The following LHX4 variants were observed in gnomAD, a reference collection of about 807,000 sequenced individuals.
LHX4 encodes LIM homeobox 4.
In LHX4, 16 loss-of-function variants were observed where a neutral mutation model predicts 39.2. The observed-to-expected ratio is 0.41, with a 90% CI of 0.28 to 0.62. The LOEUF (loss-of-function observed/expected upper bound fraction) is 0.62. Ranked by LOEUF, LHX4 falls within the 20% of genes least tolerant of loss-of-function variation. LHX4 has a pLI of 0.33. For missense variants in LHX4, 439 were observed against 511.9 expected (o/e 0.86, Z 1.37); for synonymous variants, 206 against 198.1 (o/e 1.04, Z -0.33).
Position 180,278,683 on chromosome 1 carries a change from C to T in LHX4, c.*4104C>T, listed in dbSNP as rs1383881890. 1 of 151,932 alleles carries T rather than the reference C, an allele frequency of 6.6e-6. No homozygotes were observed. Among genetic ancestry groups the T allele is most frequent in the Non-Finnish European group, 1.5e-5 (1 of 68,026 alleles). The allele number at this position is 151,932 out of a possible 1,614,324, so 9.4% of individuals were successfully genotyped here. A position where few individuals can be genotyped will look rare whatever the true frequency, so the allele number is the denominator to read the frequency against. ...TTCGGCCAAACAAGCAGGTTCAGGGCTGCGGGATTCCAGAAGTTGCTCTGA... is the reference window on the plus strand; with the variant it reads ...TTCGGCCAAACAAGCAGGTTCAGGGTTGCGGGATTCCAGAAGTTGCTCTGA... On this transcript the variant is annotated 3_prime_UTR_variant, in exon 6 of 6. Coordinates refer to ENST00000263726, the MANE Select transcript of LHX4 (RefSeq NM_033343.4).
At chr1:180,245,529 G>C (rs966464751) in intron 1 of LHX4, among the ~76,000 whole-genome samples, 1 of 152,250 alleles carries the variant, frequency 6.6e-6, no homozygotes. Context: ...CTCCACGGGA[G>C]AGTCATGACA....
chr1:180,247,970 C>G (rs999085608), intron 1 of LHX4, among the ~76,000 whole-genome samples: 6 of 152,170 alleles, frequency 3.9e-5, no homozygotes, highest in Non-Finnish European at 8.8e-5. Context: ...CTGCAGCTGA[C>G]ATAAATGGGT....
At chr1:180,261,172 G>A (rs1025704158) in intron 2 of LHX4, among the ~76,000 whole-genome samples, 2 of 146,560 alleles carry the variant, frequency 1.4e-5, no homozygotes, top group Non-Finnish European at 1.5e-5. Context: ...GGGAGGAGGC[G>A]GCGAGCAGGT....
At chr1:180,258,573 A>G (rs1271914360) in intron 2 of LHX4, among the ~76,000 whole-genome samples, 2 of 152,198 alleles carry the variant, frequency 1.3e-5, no homozygotes, top group Admixed American at 1.3e-4. Context: ...AGGCAGCTGT[A>G]GGTGCTGGCT....
chr1:180,274,533 C>A lies in LHX4; in HGVS notation c.1127C>A (p.Thr376Asn). ...AGTGTAGGCTATCCCGACTTTCCAA[C>A]TAGCCCAGGCTCTTGGCTCGATGAA... ...GSSVGYPDFP[T>N]SPGSWLDEMD... Residue 376 changes from threonine (T) to asparagine (N), a missense_variant, in exon 6 of 6, where the codon ACT (threonine) becomes AAT (asparagine). By Grantham distance (65) the Thr-to-Asn change is moderately conservative (BLOSUM62 0). Transcript: ENST00000263726. 1 of 1,601,772 alleles carries A rather than the reference C, an allele frequency of 6.2e-7. No homozygotes were observed. Among genetic ancestry groups the A allele is most frequent in the Admixed American group, 1.7e-5 (1 of 59,850 alleles).
chr1:180,234,864 C>G lies in LHX4; in HGVS notation c.76+4259C>G, dbSNP rs1558207582. On this transcript the variant is annotated intron_variant, in intron 1 of 5. Transcript: ENST00000263726. This position sits in a 1 kb window ranked among gnomAD's most constrained non-coding sequence, Gnocchi z 4.8. ...GCGTCCTAGGGTCTGGGAGCGCGACCCACATGACCTCGCTACGACCGGGGC... is the reference window on the plus strand; with the variant it reads ...GCGTCCTAGGGTCTGGGAGCGCGACGCACATGACCTCGCTACGACCGGGGC... 6.6e-6 allele frequency among the ~76,000 whole-genome samples: 1 copy of G among 152,210 alleles called. No homozygotes were observed. Among genetic ancestry groups the G allele is most frequent in the Non-Finnish European group, 1.5e-5 (1 of 68,034 alleles).
chr1:180,269,012 T>G (rs559851496), intron 3 of LHX4, among the ~76,000 whole-genome samples: 22 of 152,302 alleles, frequency 1.4e-4, no homozygotes, highest in Admixed American at 1.1e-3. Flanking sequence ...TCCGTCTCCC[T>G]GGATATTTGC....
intron 2 of LHX4, among the ~76,000 whole-genome samples, chr1:180,259,155 C>T (rs1018184133): frequency 2.0e-5 from 3 of 151,752 alleles, no homozygotes; most frequent in African/African-American, 2.4e-5. Flanking sequence ...GAGCAGAGGC[C>T]GGAGAGCACA....
At chr1:180,256,650 G>C (rs1647869053) in intron 2 of LHX4, among the ~76,000 whole-genome samples, 1 of 152,228 alleles carries the variant, frequency 6.6e-6, no homozygotes, top group Non-Finnish European at 1.5e-5. Flanking sequence ...TGTAGGAGTG[G>C]TCTGTGCCAC....
rs748939403 is a variant in LHX4, at chr1:180,236,090, A to G, written c.76+5485A>G. ...CAAAGGGGGGTTAAGGCAAGAATGTAGACTAAATGCTGTGAGGATTAGGGT... is the reference window on the plus strand; with the variant it reads ...CAAAGGGGGGTTAAGGCAAGAATGTGGACTAAATGCTGTGAGGATTAGGGT... On this transcript the variant is annotated intron_variant, in intron 1 of 5. Coordinates refer to ENST00000263726, the MANE Select transcript of LHX4 (RefSeq NM_033343.4). Among the ~76,000 whole-genome samples the G allele has an allele frequency of 3.0e-4, 46 of 152,020 alleles. 1 individual carries two copies. The highest frequency in any genetic ancestry group is 3.4e-3 in the Middle Eastern group (1 of 294).
intron 2 of LHX4, among the ~76,000 whole-genome samples, chr1:180,256,106 C>G (rs1446980830): frequency 1.3e-5 from 2 of 152,240 alleles, no homozygotes; most frequent in Non-Finnish European, 2.9e-5. Flanking sequence ...AAAAGGCCCT[C>G]TCTGGACATT....
Position 180,234,592 on chromosome 1 carries a change from C to T in LHX4, c.76+3987C>T, listed in dbSNP as rs1664268891. Among the ~76,000 whole-genome samples the T allele has an allele frequency of 6.6e-6, 1 of 152,232 alleles. No individual in the cohort carries two copies. Among genetic ancestry groups the T allele is most frequent in the African/African-American group, 2.4e-5 (1 of 41,468 alleles). The stretch of plus-strand genomic sequence containing the variant: ...AGAGGGCCGTTAGCACGGAGGGAAG[C>T]TTGGAAAGCCGCTGTCCCAGTGCGC... On this transcript the variant is annotated intron_variant, in intron 1 of 5. Transcript: ENST00000263726. This position sits in a 1 kb window ranked among gnomAD's most constrained non-coding sequence, Gnocchi z 4.8.
chr1:180,246,764 G>C, intron 1 of LHX4, among the ~76,000 whole-genome samples: 1 of 152,196 alleles, frequency 6.6e-6, no homozygotes, highest in African/African-American at 2.4e-5. Flanking sequence ...GAGAGATTTG[G>C]TTTTACTGCT....
At chr1:180,261,973 C>T (rs1352024582) in intron 2 of LHX4, among the ~76,000 whole-genome samples, 1 of 152,230 alleles carries the variant, frequency 6.6e-6, no homozygotes, top group Admixed American at 6.5e-5. Context: ...ATGAAGCTAG[C>T]AGAAGCTGGT....
chr1:180,266,450 C>T lies in LHX4; in HGVS notation c.307C>T (p.Arg103Cys), dbSNP rs755505959. The T allele has an allele frequency of 5.0e-6, 8 of 1,614,172 alleles. No individual in the cohort carries two copies. The highest frequency in any genetic ancestry group is 3.3e-5 in the South Asian group (3 of 91,090). ...GGGTATCCCCCCAACCCAGGTGGTC[C>T]GCAAGGCCCAGGACTTTGTCTACCA... ...QQGIPPTQVV[R>C]KAQDFVYHLH... Residue 103 changes from arginine (R) to cysteine (C), a missense_variant, in exon 3 of 6, where the codon CGC (arginine) becomes TGC (cysteine). Physicochemically the swap from Arg to Cys is radical, Grantham distance 180. Transcript: ENST00000263726. This position sits in a 1 kb window ranked among gnomAD's most constrained non-coding sequence, Gnocchi z 5.7.
At position 180,274,316 on chromosome 1, in the gene LHX4, G is replaced by A. The variant is rs940478683; in HGVS notation, c.910G>A (p.Asp304Asn). 1.2e-6 allele frequency: 2 copies of A among 1,614,100 alleles called. No individual in the cohort carries two copies. The highest frequency in any genetic ancestry group is 1.3e-5 in the African/African-American group (1 of 74,942). The change falls in exon 6 of 6, where the codon GAT (aspartate) becomes AAT (asparagine). Residue 304 changes from aspartate (D) to asparagine (N), a missense_variant. Transcript: ENST00000263726. Reference protein sequence around the residue: ...GTGQSYQDLRDGSPYGIPQSP... With the variant: ...GTGQSYQDLRNGSPYGIPQSP... ...AGGACAATCCTATCAGGACTTGAGG[G>A]ATGGGAGCCCCTATGGAATCCCCCA...
Position 180,266,733 on chromosome 1 carries a change from T to C in LHX4, c.451+139T>C. The C allele has an allele frequency of 1.2e-6, 1 of 805,456 alleles. No homozygotes were observed. The highest frequency in any genetic ancestry group is 2.1e-6 in the Non-Finnish European group (1 of 481,096). 49.9% of individuals were successfully genotyped at this position (805,456 alleles called of 1,614,324 possible). A position where few individuals can be genotyped will look rare whatever the true frequency, so the allele number is the denominator to read the frequency against. On this transcript the variant is annotated intron_variant, in intron 3 of 5. Transcript: ENST00000263726. This position sits in a 1 kb window ranked among gnomAD's most constrained non-coding sequence, Gnocchi z 5.7. Reference sequence around the variant, plus strand: ...CATGCACCGCCACCTCTGAGAAGCGTCCCAGATCTCCACACTGAGAGTAAA... The same window carrying C: ...CATGCACCGCCACCTCTGAGAAGCGCCCCAGATCTCCACACTGAGAGTAAA...
rs1170254793 is a variant in LHX4, at chr1:180,256,731, T to G, written c.248+8275T>G. 2.0e-5 allele frequency among the ~76,000 whole-genome samples: 3 copies of G among 152,102 alleles called. No homozygotes were observed. The East Asian group carries it at 5.8e-4, about 29-fold the overall frequency. ...CCCCAAAGTGGGAGTCAGGGGTGGC[T>G]TTTCTCTCAGTAAGCACCCCCGATG... On this transcript the variant is annotated intron_variant, in intron 2 of 5. Transcript: ENST00000263726.
intron 3 of LHX4, among the ~76,000 whole-genome samples, chr1:180,268,562 C>A (rs1218540860): frequency 1.3e-5 from 2 of 152,208 alleles, no homozygotes; most frequent in South Asian, 2.1e-4. Flanking sequence ...TGACCCTCGG[C>A]TTCTCAGCTG....
Sources: allele counts gnomAD v4.1 joint callset (sites outside exome capture counted in the v4.1 genomes callset), GRCh38; gene constraint gnomAD v4.1.1; non-coding constraint Gnocchi (gnomAD v3.1); transcripts MANE v1.5; gene names NCBI Gene and HGNC (gene_info 2026-07-23, HGNC 2026-07-21).